Variants in MEIS3 observed in about 807,000 individuals in gnomAD.
MEIS3 encodes the protein Meis homeobox 3.
In MEIS3, 38 loss-of-function variants were observed where a neutral mutation model predicts 51.4. That is an observed-to-expected ratio of 0.74 (90% CI 0.57 to 0.97). MEIS3 has a LOEUF of 0.97. Among genes scored for constraint, MEIS3 ranks in the 50% least tolerant of loss-of-function variants. MEIS3 has a pLI of 0.00. For missense variants in MEIS3, 456 were observed against 502.6 expected (o/e 0.91, Z 0.89); for synonymous variants, 198 against 201.8 (o/e 0.98, Z 0.16).
At chr19:47,403,889 A>G (rs1022428974) in intron 12 of MEIS3, among the ~76,000 whole-genome samples, 5 of 151,934 alleles carry the variant, frequency 3.3e-5, no homozygotes, top group African/African-American at 7.3e-5. Context: ...GAAGAAATAG[A>G]CGAAATGGAG....
At chr19:47,416,596 C>T (rs920882077) in intron 4 of MEIS3, 56 bp downstream of exon 4, 59 of 1,372,304 alleles carry the variant, frequency 4.3e-5, no homozygotes, top group Non-Finnish European at 5.4e-5. Flanking sequence ...AGGGATGGGG[C>T]GTCAGGGAAG....
At chr19:47,413,762 C>G (rs1263546734) in intron 6 of MEIS3, among the ~76,000 whole-genome samples, 1 of 148,710 alleles carries the variant, frequency 6.7e-6, no homozygotes, top group Non-Finnish European at 1.5e-5. Flanking sequence ...GAGTCTTGCT[C>G]TGTCGCCCAG....
intron 6 of MEIS3, among the ~76,000 whole-genome samples, chr19:47,409,819 C>T (rs150485808): frequency 1.2e-3 from 174 of 148,236 alleles, no homozygotes; most frequent in African/African-American, 4.0e-3. Flanking sequence ...GCCGAGATTG[C>T]GCCACTGCAC....
At chr19:47,413,918 G>A (rs1439667792) in intron 6 of MEIS3, among the ~76,000 whole-genome samples, 2 of 150,146 alleles carry the variant, frequency 1.3e-5, no homozygotes, top group Non-Finnish European at 3.0e-5. Flanking sequence ...TGTATTTTTA[G>A]TAGAGACGGG....
chr19:47,413,730 C>CTT (rs112493679), intron 6 of MEIS3, among the ~76,000 whole-genome samples: 3 of 139,420 alleles, frequency 2.2e-5, no homozygotes, highest in Admixed American at 7.2e-5. Context: ...GGGTTTGATT[C>CTT]TTTTTTTTTT....
At chr19:47,420,892 GCTCTCT>G (rs147025798), upstream of MEIS3, among the ~76,000 whole-genome samples, 942 of 108,114 alleles carry the variant, frequency 8.7e-3, 10 homozygotes, top group African/African-American at 0.024. Flanking sequence ...TCTGTCTCTC[GCTCTCT>G]CTCTCTCTCT....
chr19:47,420,904 T>TCACA (rs1416883609), upstream of MEIS3, among the ~76,000 whole-genome samples: 417 of 92,386 alleles, frequency 4.5e-3, 2 homozygotes, highest in East Asian at 0.029. Flanking sequence ...TCTCTCTCTC[T>TCACA]CTCTCTCACA....
chr19:47,420,198 A>G (rs1971654120), upstream of MEIS3, among the ~76,000 whole-genome samples: 1 of 152,230 alleles, frequency 6.6e-6, no homozygotes, highest in South Asian at 2.1e-4. Flanking sequence ...GTTTTGGAGC[A>G]GAAAATTAAT....
chr19:47,418,975 G>A (rs1286657695), intron 1 of MEIS3, 95 bp downstream of exon 1: 56 of 776,204 alleles, frequency 7.2e-5, no homozygotes, highest in Non-Finnish European at 9.2e-5. Flanking sequence ...GTAGAGGACG[G>A]ATGGGCTAAT....
intron 6 of MEIS3, among the ~76,000 whole-genome samples, chr19:47,412,904 A>T (rs2122525369): frequency 6.6e-6 from 1 of 151,592 alleles, no homozygotes. Context: ...GGTTTTTGCC[A>T]TGTTGGCCAG....
chr19:47,420,975 T>TCTCTCTCTCTCTCTCTCTCTCTCTCTCTC (rs1568434395), upstream of MEIS3, among the ~76,000 whole-genome samples: 2 of 79,180 alleles, frequency 2.5e-5, no homozygotes, highest in African/African-American at 1.1e-4. Flanking sequence ...CTCTCTCTCT[T>TCTCTCTCTCTCTCTCTCTCTCTCTCTCTC]CCTGGCTGTC....
At chr19:47,412,349 A>C (rs939784952) in intron 6 of MEIS3, 1 of 152,206 alleles carries the variant, frequency 6.6e-6, no homozygotes, top group Non-Finnish European at 1.5e-5. Flanking sequence ...GCTGTCAAGC[A>C]ATCTGCTCCT....
chr19:47,416,868 G>C lies in MEIS3; in HGVS notation c.281C>G (p.Pro94Arg), dbSNP rs566084455. 17 of 1,613,898 alleles carry C rather than the reference G, an allele frequency of 1.1e-5. 1 individual carries two copies. The South Asian group carries it at 1.9e-4, about 18-fold the overall frequency. ...RDGAGAGLGT[P>R]PGGDVCSSDS... is the part of the protein sequence containing the mutation. ...AGAGGAGCAGACGTCACCTCCAGGG[G>C]GTGTCCCCAGCCCAGCTCCGGCCCC... is the stretch of plus-strand genomic sequence containing the variant. The change falls in exon 3 of 13, where the codon CCC (proline) becomes CGC (arginine). Residue 94 changes from proline to arginine, a missense_variant. Coordinates refer to ENST00000558555, the MANE Select transcript of MEIS3 (RefSeq NM_001301059.2).
intron 11 of MEIS3, 39 bp downstream of exon 11, chr19:47,406,849 T>G (rs898223583): frequency 5.3e-6 from 8 of 1,521,642 alleles, no homozygotes; most frequent in Admixed American, 2.0e-5. Context: ...TGGGTCATGG[T>G]GCGCAGGGGC....
Position 47,403,379 on chromosome 19 carries a change from C to T in MEIS3, c.*192G>A, listed in dbSNP as rs1426276216. 1 of 454,180 alleles carries T rather than the reference C, an allele frequency of 2.2e-6. No homozygotes were observed. Among genetic ancestry groups the T allele is most frequent in the East Asian group, 7.0e-5 (1 of 14,348 alleles). The allele number at this position is 454,180 out of a possible 1,614,324, so 28.1% of individuals were successfully genotyped here. A position where few individuals can be genotyped will look rare whatever the true frequency, so the allele number is the denominator to read the frequency against. ...GAAGTGGGGCTCAGGGCCTGGAGGC[C>T]TTGCCGGTGTCCTTGAGAGCCCTTG... On this transcript the variant is annotated 3_prime_UTR_variant, in exon 13 of 13. Transcript: ENST00000558555.
intron 6 of MEIS3, among the ~76,000 whole-genome samples, chr19:47,410,912 G>A (rs1249994615): frequency 6.6e-6 from 1 of 152,162 alleles, no homozygotes; most frequent in African/African-American, 2.4e-5. Flanking sequence ...GGGGCAAGAA[G>A]TGTCTCAGGA....
At chr19:47,413,943 G>A (rs1971265435) in intron 6 of MEIS3, among the ~76,000 whole-genome samples, 1 of 151,474 alleles carries the variant, frequency 6.6e-6, no homozygotes, top group Admixed American at 6.6e-5. Context: ...CACCGTGTTA[G>A]CCAGAATGGT....
rs1310561737 is a variant in MEIS3, at chr19:47,417,263, G to A, written c.100C>T (p.Pro34Ser). ...FPETVPAVPG[P>S]YGPHRPPQPL... ...TGGGGAGGCCGGTGCGGGCCATAGG[G>A]CCCTGGTACTGCGGGCACTGTCTCT... Residue 34 changes from proline to serine, a missense_variant, in exon 2 of 13, where the codon CCC (proline) becomes TCC (serine). Pro to Ser is a moderately conservative substitution (Grantham distance 74). Coordinates refer to ENST00000558555, the MANE Select transcript of MEIS3 (RefSeq NM_001301059.2). The A allele has an allele frequency of 6.2e-7, 1 of 1,612,520 alleles. No homozygotes were observed. Among genetic ancestry groups the A allele is most frequent in the Non-Finnish European group, 8.5e-7 (1 of 1,179,310 alleles).
At chr19:47,420,320 A>G (rs376951932), upstream of MEIS3, among the ~76,000 whole-genome samples, 5 of 151,954 alleles carry the variant, frequency 3.3e-5, no homozygotes, top group East Asian at 1.9e-4. Context: ...CTCTGGCTCT[A>G]TTTGCTTTTT....
Sources: allele counts gnomAD v4.1 joint callset (sites outside exome capture counted in the v4.1 genomes callset), GRCh38; gene constraint gnomAD v4.1.1; transcripts MANE v1.5; gene names NCBI Gene and HGNC (gene_info 2026-07-23, HGNC 2026-07-21).